PHF14: variants seen among roughly 807,000 people sequenced by gnomAD.
PHF14 encodes the protein PHD finger protein 14.
PHF14 carries 55 observed loss-of-function variants against 117.9 expected under a neutral mutation model. That is an observed-to-expected ratio of 0.47 (90% CI 0.38 to 0.58). PHF14 has a LOEUF of 0.58. Ranked by LOEUF, PHF14 falls within the 20% of genes least tolerant of loss-of-function variation. The probability of loss-of-function intolerance (pLI) is 0.00; values close to 1 mark genes in which losing one functional copy is unlikely to be tolerated. For synonymous variants in PHF14, 409 were observed against 368.6 expected (o/e 1.11, Z -1.26); for missense variants, 978 against 1,122.2 (o/e 0.87, Z 1.84).
intron 17 of PHF14, among the ~76,000 whole-genome samples, chr7:11,140,411 T>C (rs1788367715): frequency 6.6e-6 from 1 of 152,178 alleles, no homozygotes; most frequent in African/African-American, 2.4e-5. Flanking sequence ...ACATTAGGGC[T>C]GATATGTAGG....
chr7:11,162,382 G>A (rs1395089383), intron 17 of PHF14, among the ~76,000 whole-genome samples: 1 of 151,964 alleles, frequency 6.6e-6, no homozygotes, highest in Non-Finnish European at 1.5e-5. Context: ...GAGCCATGGC[G>A]CCTAGCCAGA....
At chr7:11,088,961 GTAT>G (rs1786534293) in intron 16 of PHF14, among the ~76,000 whole-genome samples, 1 of 152,036 alleles carries the variant, frequency 6.6e-6, no homozygotes, top group Non-Finnish European at 1.5e-5. Flanking sequence ...AATGAGCATG[GTAT>G]TATTTTAGAA....
At chr7:11,106,655 C>T (rs1326617444) in intron 16 of PHF14, 12 of 982,574 alleles carry the variant, frequency 1.2e-5, no homozygotes, top group Non-Finnish European at 1.4e-5. Flanking sequence ...AAGAACTCAT[C>T]GCTACCTGTT....
At chr7:11,097,961 A>C (rs1786940381) in intron 16 of PHF14, among the ~76,000 whole-genome samples, 1 of 151,520 alleles carries the variant, frequency 6.6e-6, no homozygotes, top group South Asian at 2.1e-4. Context: ...GAGGGAGTGT[A>C]TTTGAAGCTA....
intron 16 of PHF14, among the ~76,000 whole-genome samples, chr7:11,081,438 G>T (rs1432056856): frequency 1.3e-5 from 2 of 152,184 alleles, no homozygotes; most frequent in Non-Finnish European, 1.5e-5. Context: ...TATTACAAGA[G>T]TGGTTAAATA....
At chr7:11,107,247 A>G in intron 16 of PHF14, 1 of 981,286 alleles carries the variant, frequency 1.0e-6, no homozygotes. Context: ...TGCTTGTTAT[A>G]TGGATCATAG....
chr7:11,096,484 A>G (rs572370983), intron 16 of PHF14, among the ~76,000 whole-genome samples: 11 of 152,088 alleles, frequency 7.2e-5, no homozygotes, highest in Non-Finnish European at 1.2e-4. Flanking sequence ...GCTAATACAG[A>G]CCTGACAGTT....
intron 17 of PHF14, among the ~76,000 whole-genome samples, chr7:11,121,598 C>A (rs947543538): frequency 2.8e-4 from 42 of 152,046 alleles, no homozygotes; most frequent in African/African-American, 8.2e-4. Context: ...TTGTTAACAT[C>A]ACTACTCTTG....
chr7:10,975,720 A>G (rs1217240673), intron 2 of PHF14, among the ~76,000 whole-genome samples: 5 of 152,178 alleles, frequency 3.3e-5, no homozygotes, highest in Non-Finnish European at 7.4e-5. Flanking sequence ...GTGTAATTCC[A>G]CCTCTTTTGA....
In PHF14 at chr7:11,144,267, A is replaced by G. The variant is rs776148137; in HGVS notation, c.2773-25149A>G. 3.3e-5 allele frequency among the ~76,000 whole-genome samples: 5 copies of G among 152,234 alleles called. No homozygotes were observed. In the East Asian group the frequency reaches 7.7e-4, roughly 23 times the overall value. ...GGAAATCTTGTATACTGTTGGTGGT[A>G]ATGTAAATTCATGCAGCCATTATGG... On this transcript the variant is annotated intron_variant, in intron 17 of 17. Transcript: ENST00000634607.
At chr7:11,100,698 T>C (rs1459297460) in intron 16 of PHF14, among the ~76,000 whole-genome samples, 1 of 151,906 alleles carries the variant, frequency 6.6e-6, no homozygotes, top group Admixed American at 6.6e-5. Context: ...TTGAGATAGA[T>C]ACTGATTTCA....
chr7:11,162,686 G>A (rs1364501151), intron 17 of PHF14, among the ~76,000 whole-genome samples: 3 of 149,228 alleles, frequency 2.0e-5, no homozygotes, highest in East Asian at 2.1e-4. Context: ...GGTCATACAT[G>A]GGAAATCCAA....
rs1180119442 is a variant in PHF14 at position 11,040,690 on chromosome 7, A to G, written c.2095A>G (p.Ile699Val). The change falls in exon 12 of 18, where the codon ATT (isoleucine) becomes GTT (valine). Residue 699 changes from isoleucine (I) to valine (V), a missense_variant. By Grantham distance (29) the Ile-to-Val change is conservative (BLOSUM62 3). Coordinates refer to ENST00000634607, the MANE Select transcript of PHF14 (RefSeq NM_001007157.2). The part of the protein sequence containing the change: ...ITGQKLNIPA[I>V]LRAPKERKPS... ...TCAATAGAAGTTGAATATACCGGCA[A>G]TTTTGCGAGCACCCAAGGAGAGAAA... is the stretch of plus-strand genomic sequence containing the variant. 10 of 1,557,688 alleles carry G rather than the reference A, an allele frequency of 6.4e-6. No individual in the cohort carries two copies. In the East Asian group the frequency reaches 2.4e-4, roughly 37 times the overall value.
chr7:11,004,942 G>A (rs916188206), intron 4 of PHF14, among the ~76,000 whole-genome samples: 1 of 151,972 alleles, frequency 6.6e-6, no homozygotes. Flanking sequence ...GCTTGAACCT[G>A]GGAGGCGGAG....
intron 14 of PHF14, among the ~76,000 whole-genome samples, chr7:11,055,986 G>A (rs1203289260): frequency 1.3e-5 from 2 of 152,146 alleles, no homozygotes; most frequent in Admixed American, 1.3e-4. Context: ...GGAAAGAAGA[G>A]TTATTTGTGG....
intron 2 of PHF14, among the ~76,000 whole-genome samples, chr7:10,976,539 A>G (rs1781871646): frequency 6.6e-6 from 1 of 152,126 alleles, no homozygotes; most frequent in African/African-American, 2.4e-5. Flanking sequence ...ATGTGACAAT[A>G]AATCTTGACT....
At chr7:11,106,335 T>A in intron 16 of PHF14, 1 of 980,164 alleles carries the variant, frequency 1.0e-6, no homozygotes, top group South Asian at 4.7e-5. Context: ...GATACAGAAG[T>A]CTGTAGTGGT....
rs894965591 is a variant in PHF14 at position 11,130,659 on chromosome 7, A to G, written c.2772+19192A>G. ...TACATTTGTTAAAAATTGATGAGCCAGTATTGATACATTATTATTAACTAA... is the reference window on the plus strand; with the variant it reads ...TACATTTGTTAAAAATTGATGAGCCGGTATTGATACATTATTATTAACTAA... On this transcript the variant is annotated intron_variant, in intron 17 of 17. Transcript: ENST00000634607. The surrounding 1 kb of genome is among the most constrained non-coding windows in gnomAD (Gnocchi z 4.2). 6.6e-6 allele frequency among the ~76,000 whole-genome samples: 1 copy of G among 152,010 alleles called. No homozygotes were observed. The highest frequency in any genetic ancestry group is 1.5e-5 in the Non-Finnish European group (1 of 67,948).
At chr7:11,050,850 T>C (rs1784831595) in intron 13 of PHF14, among the ~76,000 whole-genome samples, 1 of 152,182 alleles carries the variant, frequency 6.6e-6, no homozygotes, top group Non-Finnish European at 1.5e-5. Context: ...TGACCTTTTT[T>C]TTCCCCCAAC....
Sources: allele counts gnomAD v4.1 joint callset (sites outside exome capture counted in the v4.1 genomes callset), GRCh38; gene constraint gnomAD v4.1.1; non-coding constraint Gnocchi (gnomAD v3.1); transcripts MANE v1.5; gene names NCBI Gene and HGNC (gene_info 2026-07-23, HGNC 2026-07-21).